RANBP2: variants seen among roughly 807,000 people sequenced by gnomAD.
RANBP2 encodes the protein RAN binding protein 2.
Under a neutral mutation model 303.6 loss-of-function variants are expected in RANBP2, and 57 were observed. That is an observed-to-expected ratio of 0.19 (90% CI 0.15 to 0.23). The LOEUF is 0.23. Among genes scored for constraint, RANBP2 ranks in the 10% least tolerant of loss-of-function variants. The probability of loss-of-function intolerance (pLI) is 1.00; values close to 1 mark genes in which losing one functional copy is unlikely to be tolerated. For missense variants in RANBP2, 3,138 were observed against 3,780.8 expected (o/e 0.83, Z 4.46); for synonymous variants, 1,167 against 1,301.5 (o/e 0.90, Z 2.23).
chr2:109,052,038 A>C, the RANBP2 span, among the ~76,000 whole-genome samples: 1 of 152,064 alleles, frequency 6.6e-6, no homozygotes. Context: ...GTGAGCCACC[A>C]CGCCTGGACT....
the RANBP2 span, among the ~76,000 whole-genome samples, chr2:109,250,463 A>T: frequency 1.3e-5 from 2 of 151,954 alleles, no homozygotes; most frequent in Non-Finnish European, 2.9e-5. Context: ...CGGAAAACTT[A>T]CCAGGTTTAA....
the RANBP2 span, among the ~76,000 whole-genome samples, chr2:109,655,037 G>T: frequency 0.031 from 4,765 of 151,962 alleles, 234 homozygotes; most frequent in African/African-American, 0.11. Context: ...CGAGTAGCTG[G>T]CATTACAGGT....
At chr2:109,392,046 A>G in the RANBP2 span, among the ~76,000 whole-genome samples, 3 of 152,136 alleles carry the variant, frequency 2.0e-5, 1 homozygote, top group South Asian at 6.3e-4. Flanking sequence ...GAACTCCTGG[A>G]CTCAAGCAGT....
At chr2:109,477,674 T>G in the RANBP2 span, among the ~76,000 whole-genome samples, 1 of 151,988 alleles carries the variant, frequency 6.6e-6, no homozygotes, top group African/African-American at 2.4e-5. Flanking sequence ...AGGAGTGATT[T>G]CCCACAGTTT....
At chr2:109,190,448 A>G in the RANBP2 span, among the ~76,000 whole-genome samples, 2 of 152,368 alleles carry the variant, frequency 1.3e-5, no homozygotes, top group East Asian at 1.9e-4. Flanking sequence ...TGCTGGGGTT[A>G]TAGGCGTGAG....
At chr2:109,258,488 C>T in the RANBP2 span, among the ~76,000 whole-genome samples, 2 of 152,182 alleles carry the variant, frequency 1.3e-5, no homozygotes, top group East Asian at 1.9e-4. Flanking sequence ...CTACCAGGGC[C>T]AATCCAATCA....
At chr2:109,272,071 C>T in the RANBP2 span, among the ~76,000 whole-genome samples, 4 of 152,132 alleles carry the variant, frequency 2.6e-5, no homozygotes, top group Non-Finnish European at 4.4e-5. Flanking sequence ...GTGTCATGGC[C>T]GGGCCTCCTG....
At chr2:109,196,054 G>T in the RANBP2 span, among the ~76,000 whole-genome samples, 1 of 152,240 alleles carries the variant, frequency 6.6e-6, no homozygotes, top group Admixed American at 6.5e-5. Context: ...TCCAGGTGAT[G>T]TCGAAGGGCT....
the RANBP2 span, among the ~76,000 whole-genome samples, chr2:109,636,983 G>A: frequency 1.3e-5 from 2 of 152,156 alleles, no homozygotes; most frequent in Admixed American, 6.5e-5. Flanking sequence ...CCAAGGACCT[G>A]CACCGGCACC....
At chr2:108,881,077 A>G in the RANBP2 span, among the ~76,000 whole-genome samples, 1 of 152,216 alleles carries the variant, frequency 6.6e-6, no homozygotes, top group Non-Finnish European at 1.5e-5. Flanking sequence ...CAAATGAACT[A>G]GAATCAGATG....
chr2:109,420,447 G>A, the RANBP2 span, among the ~76,000 whole-genome samples: 10 of 152,002 alleles, frequency 6.6e-5, no homozygotes, highest in Non-Finnish European at 1.2e-4. Flanking sequence ...TTTTTGTTTT[G>A]TTTTGTTTTG....
intron 8 of RANBP2, among the ~76,000 whole-genome samples, chr2:108,748,230 CAG>C (rs1399234208): frequency 6.7e-6 from 1 of 149,436 alleles, no homozygotes; most frequent in Non-Finnish European, 1.5e-5. Context: ...TTTCCTGAGA[CAG>C]AGTCTTACTC....
the RANBP2 span, among the ~76,000 whole-genome samples, chr2:109,438,385 C>G: frequency 6.6e-6 from 1 of 152,148 alleles, no homozygotes; most frequent in African/African-American, 2.4e-5. Flanking sequence ...TCAGTGGGTG[C>G]AGGTGGACTT....
At chr2:108,971,778 A>G in the RANBP2 span, among the ~76,000 whole-genome samples, 1 of 152,240 alleles carries the variant, frequency 6.6e-6, no homozygotes, top group Non-Finnish European at 1.5e-5. Context: ...TACCACCTTC[A>G]AAAGGTGGAG....
At chr2:109,717,096 G>A in the RANBP2 span, among the ~76,000 whole-genome samples, 1 of 152,146 alleles carries the variant, frequency 6.6e-6, no homozygotes, top group East Asian at 1.9e-4. Flanking sequence ...AAATTTGTCT[G>A]TATTCACAGA....
chr2:109,142,043 T>TG, the RANBP2 span, among the ~76,000 whole-genome samples: 64,795 of 145,552 alleles, frequency 0.45, 14,894 homozygotes, highest in South Asian at 0.55. Flanking sequence ...TTGAGTCTCC[T>TG]GGGGGGGGGG....
At chr2:108,794,215 G>T in the RANBP2 span, among the ~76,000 whole-genome samples, 1 of 152,180 alleles carries the variant, frequency 6.6e-6, no homozygotes, top group Non-Finnish European at 1.5e-5. Context: ...TTAGGGGAGA[G>T]AGGGGAACAT....
At chr2:109,726,440 C>T in the RANBP2 span, among the ~76,000 whole-genome samples, 17 of 151,852 alleles carry the variant, frequency 1.1e-4, no homozygotes, top group African/African-American at 2.7e-4. Context: ...AAAAAACAAA[C>T]GAACAAACAA....
the RANBP2 span, among the ~76,000 whole-genome samples, chr2:109,496,033 C>T: frequency 6.6e-6 from 1 of 152,188 alleles, no homozygotes; most frequent in South Asian, 2.1e-4. Context: ...GACAAAGCTT[C>T]CACATGGAAG....
Sources: gnomAD v4.1 joint callset for allele counts (sites outside exome capture counted in the v4.1 genomes callset) on GRCh38, gnomAD v4.1.1 for gene constraint, MANE v1.5 for transcripts, NCBI Gene and HGNC (gene_info 2026-07-23, HGNC 2026-07-21) for gene names.